The following COL26A1 variants were observed in gnomAD, a reference collection of about 807,000 sequenced individuals.
COL26A1 encodes collagen type XXVI alpha 1 chain, also known as collagen alpha-1(XXVI) chain.
Under a neutral mutation model 59.3 loss-of-function variants are expected in COL26A1, and 41 were observed. The observed-to-expected ratio is 0.69, with a 90% CI of 0.54 to 0.90. The LOEUF is 0.90. Ranked by LOEUF, COL26A1 falls within the 40% of genes least tolerant of loss-of-function variation. The probability of loss-of-function intolerance (pLI) is 0.00; values close to 1 mark genes in which losing one functional copy is unlikely to be tolerated. For missense variants in COL26A1, 612 were observed against 602.3 expected, an observed-to-expected ratio of 1.02 and a Z score of -0.17; for synonymous variants, 266 against 256.0, an observed-to-expected ratio of 1.04 and a Z score of -0.37.
chr7:101,425,033 C>T (rs1792610299), intron 2 of COL26A1, among the ~76,000 whole-genome samples: 2 of 152,068 alleles, frequency 1.3e-5, no homozygotes, highest in Non-Finnish European at 2.9e-5. Flanking sequence ...AGCAATCCTT[C>T]TGCCTCAGCC....
At chr7:101,416,169 C>T (rs910150742) in intron 1 of COL26A1, among the ~76,000 whole-genome samples, 4 of 142,762 alleles carry the variant, frequency 2.8e-5, no homozygotes, top group Admixed American at 7.1e-5. Flanking sequence ...CGAGGTGGGA[C>T]GATCACCTGA....
intron 3 of COL26A1, among the ~76,000 whole-genome samples, chr7:101,482,008 T>C (rs1160349568): frequency 2.6e-5 from 4 of 151,754 alleles, no homozygotes; most frequent in Admixed American, 2.6e-4. Flanking sequence ...ATATCATATG[T>C]ACTCTTTTTC....
chr7:101,555,855 CAT>C lies in COL26A1; in HGVS notation c.1150_1151del (p.Met384AspfsTer70). 1.2e-6 allele frequency: 2 copies of C among 1,610,392 alleles called. No homozygotes were observed. ...CAGAGCGAGTCCTCATCCTGGAGCA[CAT>C]GATTGGGATCCACGGTGAGCAGTGA... ...LAERVLILEHMIGIHDPLASP... is the reference protein window; with the variant it reads ...LAERVLILEHXIGIHDPLASP... On this transcript the variant is annotated frameshift_variant, in exon 12 of 13. Transcript: ENST00000313669. LOFTEE classifies it high-confidence loss of function.
chr7:101,517,098 G>A (rs946698473), intron 3 of COL26A1, among the ~76,000 whole-genome samples: 6 of 152,082 alleles, frequency 3.9e-5, no homozygotes, highest in African/African-American at 1.4e-4. Context: ...CACTTGCCCC[G>A]TGATTCTTCC....
chr7:101,375,573 A>C (rs894905025), intron 1 of COL26A1, among the ~76,000 whole-genome samples: 10 of 151,878 alleles, frequency 6.6e-5, no homozygotes, highest in African/African-American at 2.4e-4. Context: ...GGTAGGGCAC[A>C]CTTGCAATCT....
At chr7:101,547,881 A>ACAT (rs1385064960) in intron 8 of COL26A1, among the ~76,000 whole-genome samples, 1 of 152,176 alleles carries the variant, frequency 6.6e-6, no homozygotes, top group Non-Finnish European at 1.5e-5. Context: ...CATTCATTGA[A>ACAT]CATCTGCCAC....
intron 3 of COL26A1, among the ~76,000 whole-genome samples, chr7:101,472,792 C>T (rs922497224): frequency 4.0e-5 from 4 of 99,440 alleles, no homozygotes; most frequent in South Asian, 4.3e-4. Flanking sequence ...TCCTTCCAGT[C>T]GAAGTGTTGT....
chr7:101,547,288 G>T, intron 8 of COL26A1, 49 bp downstream of exon 8: 1 of 1,369,102 alleles, frequency 7.3e-7, no homozygotes, highest in Non-Finnish European at 1.0e-6. Context: ...TCCCCCCAGG[G>T]CTGGCCTGAG....
chr7:101,543,577 G>T (rs529549683), intron 5 of COL26A1, among the ~76,000 whole-genome samples: 2 of 152,180 alleles, frequency 1.3e-5, no homozygotes, highest in African/African-American at 4.8e-5. Context: ...CATCCTTCAG[G>T]ACCTCCTGGG....
intron 5 of COL26A1, among the ~76,000 whole-genome samples, chr7:101,543,267 T>C (rs1297789882): frequency 6.6e-6 from 1 of 151,508 alleles, no homozygotes; most frequent in African/African-American, 2.4e-5. Context: ...CCTCCTGGGC[T>C]CAAGCCATCC....
At chr7:101,444,366 T>C (rs1294468121) in intron 2 of COL26A1, among the ~76,000 whole-genome samples, 2 of 151,984 alleles carry the variant, frequency 1.3e-5, no homozygotes, top group Admixed American at 6.6e-5. Context: ...GTTGAAAATT[T>C]TGCAGGTCCT....
rs35360228 is a variant in COL26A1 at position 101,427,660 on chromosome 7, TA to T, written c.281+7575del. Among the ~76,000 whole-genome samples the T allele has an allele frequency of 5.1e-3, 744 of 147,256 alleles. 6 individuals carry two copies. The highest frequency in any genetic ancestry group is 0.015 in the African/African-American group (619 of 39,960). On this transcript the variant is annotated intron_variant, in intron 2 of 12. Transcript: ENST00000313669. Reference sequence around the variant, plus strand: ...TGGGTGACAGAGTGAAACTGTTTCTTAAAAAAAAAAAAAATTATTTTTTGTT... The same window carrying T: ...TGGGTGACAGAGTGAAACTGTTTCTTAAAAAAAAAAAAATTATTTTTTGTT...
chr7:101,519,454 T>G (rs1336348589), intron 3 of COL26A1, among the ~76,000 whole-genome samples: 1 of 152,128 alleles, frequency 6.6e-6, no homozygotes, highest in Admixed American at 6.6e-5. Flanking sequence ...GGAACCAAAG[T>G]GAGCATTAGG....
chr7:101,507,163 C>G (rs1794829021), intron 3 of COL26A1, among the ~76,000 whole-genome samples: 1 of 152,206 alleles, frequency 6.6e-6, no homozygotes, highest in Non-Finnish European at 1.5e-5. Flanking sequence ...GATCCGCCTG[C>G]CTCGGCCTCC....
chr7:101,552,409 A>C (rs1199435869), intron 10 of COL26A1, among the ~76,000 whole-genome samples: 2 of 151,322 alleles, frequency 1.3e-5, no homozygotes, highest in Admixed American at 1.3e-4. Flanking sequence ...CAGGAGTTCA[A>C]GGCCACCCTG....
chr7:101,441,481 T>TG, intron 2 of COL26A1, among the ~76,000 whole-genome samples: 1 of 152,072 alleles, frequency 6.6e-6, no homozygotes, highest in South Asian at 2.1e-4. Flanking sequence ...CCGGCTATTT[T>TG]TTGTGTGTGT....
intron 3 of COL26A1, among the ~76,000 whole-genome samples, chr7:101,511,590 C>T (rs959916799): frequency 3.3e-5 from 5 of 152,228 alleles, no homozygotes; most frequent in Non-Finnish European, 7.3e-5. Flanking sequence ...TGGACAAGAA[C>T]GTTTCAAGTC....
chr7:101,541,832 A>G (rs1795624054), intron 5 of COL26A1, among the ~76,000 whole-genome samples: 1 of 152,200 alleles, frequency 6.6e-6, no homozygotes, highest in Non-Finnish European at 1.5e-5. Flanking sequence ...ATCCTGGAGG[A>G]CATTTAGCAA....
chr7:101,445,389 G>A (rs959765336), intron 2 of COL26A1, among the ~76,000 whole-genome samples: 2 of 151,856 alleles, frequency 1.3e-5, no homozygotes, highest in African/African-American at 4.8e-5. Context: ...TTGGCTTCTG[G>A]GGAGGTCTCT....
Sources: allele counts gnomAD v4.1 joint callset (sites outside exome capture counted in the v4.1 genomes callset), GRCh38; gene constraint gnomAD v4.1.1; transcripts MANE v1.5; gene names NCBI Gene and HGNC (gene_info 2026-07-23, HGNC 2026-07-21).